SOX30: variants seen among roughly 807,000 people sequenced by gnomAD.
The protein encoded by SOX30 is SRY-box transcription factor 30.
Under a neutral mutation model 58.6 loss-of-function variants are expected in SOX30, and 17 were observed. That is an observed-to-expected ratio of 0.29 (90% confidence interval 0.20 to 0.44). The LOEUF (loss-of-function observed/expected upper bound fraction) is 0.44. Ranked by LOEUF, SOX30 falls within the 20% of genes least tolerant of loss-of-function variation. SOX30 has a pLI of 1.00. For synonymous variants in SOX30, 421 were observed against 400.2 expected (o/e 1.05, Z -0.62); for missense variants, 951 against 965.8 (o/e 0.98, Z 0.20).
intron 1 of SOX30, among the ~76,000 whole-genome samples, chr5:157,669,294 A>C (rs937573375): frequency 6.6e-5 from 10 of 151,986 alleles, no homozygotes; most frequent in African/African-American, 1.9e-4. Flanking sequence ...CCTGGATTCA[A>C]GTGATTCTCC....
rs185003857 is a variant in SOX30 at position 157,629,802 on chromosome 5, T to C, written c.1881-3081A>G. On this transcript the variant is annotated intron_variant, in intron 4 of 4. Coordinates refer to ENST00000265007, the MANE Select transcript of SOX30 (RefSeq NM_178424.2). ...GAAATGGAGCTTTAAAAAGGTTAAGTAACTCGCTCAAAGTGATATAATTAG... is the reference window on the plus strand; with the variant it reads ...GAAATGGAGCTTTAAAAAGGTTAAGCAACTCGCTCAAAGTGATATAATTAG... 7.9e-5 allele frequency among the ~76,000 whole-genome samples: 12 copies of C among 152,288 alleles called. No individual in the cohort carries two copies. In the East Asian group the frequency reaches 2.3e-3, roughly 29 times the overall value.
At chr5:157,665,437 G>A (rs1283258455) in intron 2 of SOX30, among the ~76,000 whole-genome samples, 1 of 151,964 alleles carries the variant, frequency 6.6e-6, no homozygotes, top group Non-Finnish European at 1.5e-5. Flanking sequence ...ATCACACACC[G>A]GGGCCTGTTG....
At chr5:157,631,222 T>G (rs1193328999) in intron 4 of SOX30, among the ~76,000 whole-genome samples, 1 of 151,184 alleles carries the variant, frequency 6.6e-6, no homozygotes, top group African/African-American at 2.4e-5. Flanking sequence ...TACCTGAGAC[T>G]ACAGGTACAC....
chr5:157,628,464 A>G (rs1211464281), intron 4 of SOX30, among the ~76,000 whole-genome samples: 1 of 151,608 alleles, frequency 6.6e-6, no homozygotes, highest in Non-Finnish European at 1.5e-5. Context: ...ATACTAGACT[A>G]TTATCTCAAA....
In SOX30 at chr5:157,626,492, C is replaced by T. The variant is rs768932669; in HGVS notation, c.2110G>A (p.Gly704Arg). 1.2e-6 allele frequency: 2 copies of T among 1,614,184 alleles called. No homozygotes were observed. Among genetic ancestry groups the T allele is most frequent in the Admixed American group, 1.7e-5 (1 of 60,016 alleles). The change falls in exon 5 of 5, where the codon GGG becomes AGG. Residue 704 changes from glycine (G) to arginine (R), a missense_variant. Physicochemically the swap from Gly to Arg is moderately radical, Grantham distance 125 (BLOSUM62 -2). Around this residue, in one of 7 missense-constraint regions of SOX30, gnomAD observed 381 missense variants for 390.0 expected, o/e 0.98. Transcript: ENST00000265007. Reference sequence around the variant, plus strand: ...GGCACAGGGTTTAAGTTTTCTTCCCCACTGTGGCTATGACTGTTATAGTAA... The same window carrying T: ...GGCACAGGGTTTAAGTTTTCTTCCCTACTGTGGCTATGACTGTTATAGTAA... ...TSYYNSHSHSGEENLNPVPQL... is the reference protein window; with the variant it reads ...TSYYNSHSHSREENLNPVPQL...
At chr5:157,630,954 GTA>G (rs1238109631) in intron 4 of SOX30, among the ~76,000 whole-genome samples, 37 of 111,442 alleles carry the variant, frequency 3.3e-4, no homozygotes, top group African/African-American at 6.9e-4. Context: ...TATATATATT[GTA>G]TATATATACA....
chr5:157,660,079 C>A (rs868478883), intron 2 of SOX30, among the ~76,000 whole-genome samples: 1 of 152,214 alleles, frequency 6.6e-6, no homozygotes, highest in African/African-American at 2.4e-5. Context: ...TGAGGCATGT[C>A]TGACCACCCA....
At chr5:157,658,259 G>A (rs2112727) in intron 2 of SOX30, among the ~76,000 whole-genome samples, 92,031 of 152,120 alleles carry the variant, frequency 0.6, 29,964 homozygotes, top group African/African-American at 0.86. Flanking sequence ...GCCAATTATA[G>A]TAAAGCAAAT....
intron 2 of SOX30, among the ~76,000 whole-genome samples, chr5:157,660,543 G>A (rs1275003149): frequency 1.3e-5 from 2 of 151,566 alleles, no homozygotes; most frequent in East Asian, 3.8e-4. Flanking sequence ...TCATTGGTTG[G>A]GGAATTTAGA....
Position 157,652,134 on chromosome 5 carries a change from T to C in SOX30, c.-56A>G. On this transcript the variant is annotated 5_prime_UTR_variant, in exon 1 of 5. Coordinates refer to ENST00000265007, the MANE Select transcript of SOX30 (RefSeq NM_178424.2). ...GAGCTCAGCCGTTTGTTGGCGACCT[T>C]CCCCCTCCCCCTTTCGGTTAAGAGC... The C allele has an allele frequency of 7.3e-7, 1 of 1,377,518 alleles. No individual in the cohort carries two copies. The highest frequency in any genetic ancestry group is 9.3e-7 in the Non-Finnish European group (1 of 1,073,970). 85.3% of individuals were successfully genotyped at this position (1,377,518 alleles called of 1,614,324 possible).
intron 2 of SOX30, among the ~76,000 whole-genome samples, chr5:157,664,808 A>C (rs1759640546): frequency 6.6e-6 from 1 of 152,230 alleles, no homozygotes; most frequent in African/African-American, 2.4e-5. Context: ...GACCCTTCTC[A>C]AAAGAAGACA....
intron 1 of SOX30, among the ~76,000 whole-genome samples, chr5:157,650,533 T>G (rs1759302330): frequency 6.6e-6 from 1 of 152,192 alleles, no homozygotes; most frequent in Admixed American, 6.5e-5. Context: ...AAATAATATT[T>G]ATGGCTCATT....
chr5:157,647,966 C>G (rs921348917), intron 2 of SOX30, among the ~76,000 whole-genome samples: 2 of 152,216 alleles, frequency 1.3e-5, no homozygotes, highest in African/African-American at 4.8e-5. Context: ...AACAGTGGAA[C>G]TATGGCATTT....
intron 2 of SOX30, chr5:157,667,700 C>G (rs1222984203): frequency 8.8e-6 from 13 of 1,472,694 alleles, no homozygotes; most frequent in Non-Finnish European, 1.2e-5. Flanking sequence ...TATCATGCCA[C>G]TGCCCTCCAG....
intron 3 of SOX30, among the ~76,000 whole-genome samples, chr5:157,638,974 G>A (rs1213583451): frequency 1.3e-5 from 2 of 152,096 alleles, no homozygotes; most frequent in African/African-American, 2.4e-5. Context: ...GAAGAGCAAC[G>A]TTTTCTGTTT....
At chr5:157,660,025 A>G (rs1352919721) in intron 2 of SOX30, among the ~76,000 whole-genome samples, 1 of 152,228 alleles carries the variant, frequency 6.6e-6, no homozygotes, top group Non-Finnish European at 1.5e-5. Context: ...TTCTATGTTA[A>G]TGCTGGTCAG....
Position 157,652,229 on chromosome 5 carries a change from A to G in SOX30, c.-151T>C, listed in dbSNP as rs1759375505. The G allele has an allele frequency of 7.8e-7, 1 of 1,278,554 alleles. No individual in the cohort carries two copies. Among genetic ancestry groups the G allele is most frequent in the Admixed American group, 4.1e-5 (1 of 24,562 alleles). The allele number at this position is 1,278,554 out of a possible 1,614,324, so 79.2% of individuals were successfully genotyped here. The stretch of plus-strand genomic sequence containing the variant: ...CAGCTGTCTGTCTGGGCCTCACCCA[A>G]TCACAACGACCGATACCCGTGGACG... On this transcript the variant is annotated 5_prime_UTR_variant, in exon 1 of 5. Transcript: ENST00000265007.
In SOX30 at chr5:157,649,838, A is replaced by G. The variant is rs1230747034; in HGVS notation, c.968-942T>C. Among the ~76,000 whole-genome samples, 5 of 152,270 alleles carry G rather than the reference A, an allele frequency of 3.3e-5. No homozygotes were observed. In the East Asian group the frequency reaches 7.7e-4, roughly 23 times the overall value. ...ACAGAAGGCAGGTAAAATGGCTCAC[A>G]CTTGCTTCTGACCTTCATTCCTAGA... On this transcript the variant is annotated intron_variant, in intron 1 of 4. Transcript: ENST00000265007.
chr5:157,648,736 G>A lies in SOX30; in HGVS notation c.1128C>T (p.Asn376=). 1 of 1,613,558 alleles carries A rather than the reference G, an allele frequency of 6.2e-7. No individual in the cohort carries two copies. Among genetic ancestry groups the A allele is most frequent in the Non-Finnish European group, 8.5e-7 (1 of 1,179,948 alleles). The part of the protein sequence containing the change: ...EISVQLGLEW[N]KLSEEQKKPY... ...GTTTCTTTTGTTCTTCACTAAGTTT[G>A]TTCCACTCTAACCCAAGCTGGACAC... The change falls in exon 2 of 5, where the codon AAC becomes AAT. Residue 376 remains asparagine, a synonymous_variant. Coordinates refer to ENST00000265007, the MANE Select transcript of SOX30 (RefSeq NM_178424.2).
Sources: gnomAD v4.1 joint callset for allele counts (sites outside exome capture counted in the v4.1 genomes callset) on GRCh38, gnomAD v4.1.1 for gene constraint, gnomAD v4.1.1 regional missense constraint, MANE v1.5 for transcripts, NCBI Gene and HGNC (gene_info 2026-07-23, HGNC 2026-07-21) for gene names.